Variants in DCHS2 observed in about 807,000 individuals in gnomAD.
DCHS2 encodes dachsous cadherin-related 2, also known as protocadherin-23.
In DCHS2, 142 loss-of-function variants were observed where a neutral mutation model predicts 182.4. That is an observed-to-expected ratio of 0.78 (90% CI 0.68 to 0.89). The LOEUF (loss-of-function observed/expected upper bound fraction) is 0.89. DCHS2 is among the 40% of genes least tolerant of loss of function. DCHS2 has a pLI of 0.00. For synonymous variants in DCHS2, 1,740 were observed against 1,663.3 expected, an observed-to-expected ratio of 1.05 and a Z score of -1.12; for missense variants, 4,319 against 4,198.6, an observed-to-expected ratio of 1.03 and a Z score of -0.79.
chr4:154,356,084 A>G (rs1365734673), intron 3 of DCHS2, among the ~76,000 whole-genome samples: 4 of 152,146 alleles, frequency 2.6e-5, no homozygotes, highest in Non-Finnish European at 5.9e-5. Flanking sequence ...TGACAGCTCC[A>G]TGTGTGTTAC....
chr4:154,417,920 A>G (rs1007637506), intron 1 of DCHS2, among the ~76,000 whole-genome samples: 4 of 152,194 alleles, frequency 2.6e-5, no homozygotes, highest in African/African-American at 9.6e-5. Context: ...TTTTTTCCCA[A>G]TATTTTTTCT....
chr4:154,277,473 G>C (rs1733903809), intron 13 of DCHS2, among the ~76,000 whole-genome samples: 1 of 152,098 alleles, frequency 6.6e-6, no homozygotes, highest in African/African-American at 2.4e-5. Context: ...TAATTGGGTA[G>C]TCACGTACAT....
At chr4:154,346,672 T>C (rs1013409965) in intron 3 of DCHS2, among the ~76,000 whole-genome samples, 2 of 151,998 alleles carry the variant, frequency 1.3e-5, no homozygotes, top group African/African-American at 4.8e-5. Context: ...AAGTCATTTA[T>C]TGAGCTGCTT....
At chr4:154,399,159 A>C (rs1481544684) in intron 1 of DCHS2, among the ~76,000 whole-genome samples, 1 of 152,230 alleles carries the variant, frequency 6.6e-6, no homozygotes, top group Admixed American at 6.5e-5. Context: ...CTAGACTGTC[A>C]TGCCTGAGAG....
chr4:154,401,764 G>A lies in DCHS2; in HGVS notation c.2053-24320C>T, dbSNP rs570603683. On this transcript the variant is annotated intron_variant, in intron 1 of 19. Coordinates refer to ENST00000357232, the MANE Select transcript of DCHS2 (RefSeq NM_001358235.2). ...TCCCAGCACTTTGGGAGGCCAAGGCGGGTGGATCACTTGAGGTCAGGAATT... is the reference window on the plus strand; with the variant it reads ...TCCCAGCACTTTGGGAGGCCAAGGCAGGTGGATCACTTGAGGTCAGGAATT... 1.6e-4 allele frequency among the ~76,000 whole-genome samples: 25 copies of A among 152,296 alleles called. No individual in the cohort carries two copies. The South Asian group carries it at 1.7e-3, about 10-fold the overall frequency.
chr4:154,476,805 T>G (rs1274486585), intron 1 of DCHS2, among the ~76,000 whole-genome samples: 1 of 152,246 alleles, frequency 6.6e-6, no homozygotes, highest in Non-Finnish European at 1.5e-5. Context: ...TCAGGTTCTA[T>G]CTGATATATG....
At chr4:154,253,224 T>C (rs1732474378) in intron 16 of DCHS2, among the ~76,000 whole-genome samples, 1 of 151,982 alleles carries the variant, frequency 6.6e-6, no homozygotes, top group South Asian at 2.1e-4. Context: ...TACCTGTGTG[T>C]ATCTCTCTGT....
intron 14 of DCHS2, 66 bp from the exon 15 acceptor site, chr4:154,259,822 T>G: frequency 7.0e-7 from 1 of 1,421,148 alleles, no homozygotes; most frequent in Non-Finnish European, 9.3e-7. Context: ...TTTTTTATTT[T>G]ATTTATTTAT....
At chr4:154,383,682 G>C (rs560653329) in intron 1 of DCHS2, among the ~76,000 whole-genome samples, 1 of 151,916 alleles carries the variant, frequency 6.6e-6, no homozygotes, top group African/African-American at 2.4e-5. Context: ...CAGGATAATA[G>C]GGCTTCCTCC....
At chr4:154,281,825 A>G (rs1461548950) in intron 13 of DCHS2, among the ~76,000 whole-genome samples, 1 of 152,236 alleles carries the variant, frequency 6.6e-6, no homozygotes, top group Non-Finnish European at 1.5e-5. Flanking sequence ...TGGAATAAAG[A>G]CAGACATATA....
intron 6 of DCHS2, among the ~76,000 whole-genome samples, chr4:154,329,297 T>C (rs1736415062): frequency 6.6e-6 from 1 of 152,230 alleles, no homozygotes; most frequent in African/African-American, 2.4e-5. Flanking sequence ...ACTAAACTTA[T>C]TGTTATAAAG....
At chr4:154,334,486 G>A (rs1480112775) in intron 4 of DCHS2, 1 of 167,488 alleles carries the variant, frequency 6.0e-6, no homozygotes, top group Non-Finnish European at 1.3e-5. Flanking sequence ...CTGGAAAGTT[G>A]TTCAGTATAT....
rs564271872 is a variant in DCHS2 at position 154,491,008 on chromosome 4, G to C, written c.348C>G (p.Phe116Leu). 2 of 1,550,624 alleles carry C rather than the reference G, an allele frequency of 1.3e-6. No homozygotes were observed. Among genetic ancestry groups the C allele is most frequent in the Non-Finnish European group, 1.7e-6 (2 of 1,146,418 alleles). ...DSDDSPLLDD[F>L]HVHPDTGIIR... ...TGATGCCGGTGTCCGGGTGCACGTG[G>C]AAGTCGTCCAGCAGCGGGGAGTCAT... Residue 116 changes from phenylalanine (F) to leucine (L), a missense_variant, in exon 1 of 20, where the codon TTC (phenylalanine) becomes TTG (leucine). Phe to Leu is a conservative substitution (Grantham distance 22, BLOSUM62 0). Transcript: ENST00000357232.
intron 2 of DCHS2, among the ~76,000 whole-genome samples, chr4:154,370,586 C>T (rs1345614280): frequency 6.6e-6 from 1 of 152,018 alleles, no homozygotes; most frequent in African/African-American, 2.4e-5. Flanking sequence ...TGTAAGAAGG[C>T]TGGAATGGAT....
At chr4:154,414,487 C>CTT (rs375818839) in intron 1 of DCHS2, among the ~76,000 whole-genome samples, 3,221 of 73,450 alleles carry the variant, frequency 0.044, 56 homozygotes, top group Non-Finnish European at 0.06. Flanking sequence ...ATACAGCTTT[C>CTT]TTTTTTTTTT....
chr4:154,271,162 T>C (rs1272726842), intron 13 of DCHS2, among the ~76,000 whole-genome samples: 1 of 152,048 alleles, frequency 6.6e-6, no homozygotes, highest in African/African-American at 2.4e-5. Flanking sequence ...GGGGAATAAA[T>C]TTAAATAGGA....
chr4:154,425,291 C>A (rs1487621044), intron 1 of DCHS2, among the ~76,000 whole-genome samples: 3 of 152,152 alleles, frequency 2.0e-5, no homozygotes, highest in Non-Finnish European at 4.4e-5. Context: ...CGCTTAGAGC[C>A]CTTGTGGTTA....
At chr4:154,312,754 A>T (rs1047523802) in intron 10 of DCHS2, among the ~76,000 whole-genome samples, 2 of 152,194 alleles carry the variant, frequency 1.3e-5, no homozygotes, top group Admixed American at 1.3e-4. Flanking sequence ...AATGCCATAG[A>T]TTCAGATATT....
chr4:154,324,230 C>T (rs1736192206), intron 7 of DCHS2, among the ~76,000 whole-genome samples: 2 of 152,148 alleles, frequency 1.3e-5, no homozygotes, highest in Non-Finnish European at 2.9e-5. Context: ...GATGCTCAAA[C>T]TGTCCCATCA....
Sources: gnomAD v4.1 joint callset for allele counts (sites outside exome capture counted in the v4.1 genomes callset) on GRCh38, gnomAD v4.1.1 for gene constraint, MANE v1.5 for transcripts, NCBI Gene and HGNC (gene_info 2026-07-23, HGNC 2026-07-21) for gene names.